LIN9: variants seen among roughly 807,000 people sequenced by gnomAD.
The protein encoded by LIN9 is lin-9 DREAM MuvB core complex component, also known as protein lin-9 homolog.
A neutral mutation model predicts 78.0 loss-of-function variants in LIN9; 18 were observed. The ratio of observed to expected loss-of-function variants is 0.23; its 90% CI spans 0.16 to 0.34. The LOEUF is 0.34. LIN9 is among the 10% of genes least tolerant of loss of function. The pLI is 1.00. For missense variants in LIN9, 451 were observed against 644.1 expected (o/e 0.70, Z 3.25); for synonymous variants, 192 against 215.2 (o/e 0.89, Z 0.94).
rs1406647355 is a variant in LIN9, at chr1:226,302,327, A to C, written c.32-1122T>G. Among the ~76,000 whole-genome samples the C allele has an allele frequency of 3.3e-5, 5 of 152,280 alleles. No homozygotes were observed. The East Asian group carries it at 9.6e-4, about 29-fold the overall frequency. On this transcript the variant is annotated intron_variant, in intron 1 of 14. Transcript: ENST00000681046. The stretch of plus-strand genomic sequence containing the variant: ...GGGAGGCCGAGGTGGGCGGATCACA[A>C]GGTCAGGAGATCAAGACCATCTTGG...
intron 5 of LIN9, 141 bp from the exon 6 acceptor site, chr1:226,286,599 A>C: frequency 6.7e-6 from 4 of 601,454 alleles, no homozygotes; most frequent in Non-Finnish European, 1.1e-5. Context: ...CTAAAACTAA[A>C]TCCTTGGCAT....
rs192353943 is a variant in LIN9 at position 226,243,931 on chromosome 1, G to A, written c.1120-4835C>T. Among the ~76,000 whole-genome samples the A allele has an allele frequency of 2.1e-3, 322 of 151,282 alleles. 1 individual carries two copies. The highest frequency in any genetic ancestry group is 7.2e-3 in the African/African-American group (297 of 41,410). On this transcript the variant is annotated intron_variant, in intron 11 of 14. Transcript: ENST00000681046. ...GCTCTGTCGCCCAGGCTGGAGTGCA[G>A]TGGCACAATCTCGGCTTACTGCAAC...
At chr1:226,250,818 A>G in intron 11 of LIN9, 21 bp downstream of exon 11, 1 of 1,310,482 alleles carries the variant, frequency 7.6e-7, no homozygotes, top group South Asian at 1.3e-5. Context: ...CAAATGAAGA[A>G]AAAAAAAGAG....
At chr1:226,293,249 T>C (rs1214840796) in intron 4 of LIN9, among the ~76,000 whole-genome samples, 1 of 152,230 alleles carries the variant, frequency 6.6e-6, no homozygotes, top group Non-Finnish European at 1.5e-5. Flanking sequence ...ATCATGTTTA[T>C]CCTACATTAT....
intron 10 of LIN9, among the ~76,000 whole-genome samples, chr1:226,262,119 C>G (rs574586219): frequency 1.3e-5 from 2 of 152,158 alleles, no homozygotes; most frequent in Non-Finnish European, 2.9e-5. Context: ...AAACCTTACA[C>G]CTTTCACAAA....
chr1:226,288,976 C>T (rs1330555959), intron 4 of LIN9, among the ~76,000 whole-genome samples: 1 of 152,134 alleles, frequency 6.6e-6, no homozygotes, highest in East Asian at 1.9e-4. Context: ...CAGTGGCTCA[C>T]GCCTGTAATC....
intron 7 of LIN9, among the ~76,000 whole-genome samples, chr1:226,271,356 T>C (rs1660261401): frequency 6.6e-6 from 1 of 152,054 alleles, no homozygotes. Context: ...TTTTGGCTCT[T>C]GTTTTTGAGG....
rs188757863 is a variant in LIN9 at position 226,304,479 on chromosome 1, G to A, written c.32-3274C>T. Among the ~76,000 whole-genome samples, 687 of 152,264 alleles carry A rather than the reference G, an allele frequency of 4.5e-3. 4 individuals are homozygous for A. Among genetic ancestry groups the A allele is most frequent in the Non-Finnish European group, 6.1e-3 (417 of 68,020 alleles). On this transcript the variant is annotated intron_variant, in intron 1 of 14. Transcript: ENST00000681046. Reference sequence around the variant, plus strand: ...CAGGAAGCTTAAACTCTAGTGGAAAGAGACATATATATATAAAACACGTAC... The same window carrying A: ...CAGGAAGCTTAAACTCTAGTGGAAAAAGACATATATATATAAAACACGTAC...
chr1:226,289,846 T>TGGG (rs1553283370), intron 4 of LIN9, among the ~76,000 whole-genome samples: 2 of 16,312 alleles, frequency 1.2e-4, no homozygotes, highest in East Asian at 3.2e-3. Context: ...GGGGGGGGGG[T>TGGG]GGGGGGGGGT....
intron 10 of LIN9, among the ~76,000 whole-genome samples, chr1:226,259,665 C>T (rs933998745): frequency 6.6e-6 from 1 of 151,844 alleles, no homozygotes; most frequent in South Asian, 2.1e-4. Context: ...GAAGATATGT[C>T]TAAATAATAC....
At chr1:226,267,422 CAA>C (rs10679567) in intron 8 of LIN9, among the ~76,000 whole-genome samples, 5 of 91,400 alleles carry the variant, frequency 5.5e-5, no homozygotes, top group Admixed American at 1.4e-4. Flanking sequence ...GACTCCGTCT[CAA>C]AAAAAAAAAA....
At chr1:226,242,761 C>G (rs2102846238) in intron 11 of LIN9, among the ~76,000 whole-genome samples, 1 of 152,238 alleles carries the variant, frequency 6.6e-6, no homozygotes, top group South Asian at 2.1e-4. Flanking sequence ...ACCTCTTCTG[C>G]CTCTGCCACC....
chr1:226,252,351 A>G (rs571139265), intron 10 of LIN9, among the ~76,000 whole-genome samples: 1 of 151,974 alleles, frequency 6.6e-6, no homozygotes, highest in Non-Finnish European at 1.5e-5. Flanking sequence ...TCCTATCAAA[A>G]GAACACAAAA....
intron 11 of LIN9, among the ~76,000 whole-genome samples, chr1:226,244,026 T>C (rs571495540): frequency 1.3e-5 from 2 of 151,422 alleles, no homozygotes; most frequent in East Asian, 4.1e-4. Context: ...AGGTGCAGGC[T>C]ACCTGCGCCG....
chr1:226,244,748 C>T (rs183493900), intron 11 of LIN9, among the ~76,000 whole-genome samples: 4 of 152,288 alleles, frequency 2.6e-5, no homozygotes, highest in African/African-American at 9.6e-5. Context: ...TTTGCTATTA[C>T]AACAATGCTG....
chr1:226,285,753 G>A (rs772773676), intron 6 of LIN9, among the ~76,000 whole-genome samples: 7 of 152,028 alleles, frequency 4.6e-5, no homozygotes, highest in Non-Finnish European at 7.4e-5. Flanking sequence ...AATAAAATAG[G>A]CACTTCTGGG....
At chr1:226,306,129 A>G (rs1226598651) in intron 1 of LIN9, among the ~76,000 whole-genome samples, 1 of 151,956 alleles carries the variant, frequency 6.6e-6, no homozygotes, top group East Asian at 1.9e-4. Context: ...GTTTGAGACC[A>G]GCCTAGCCAA....
chr1:226,265,973 G>A lies in LIN9; in HGVS notation c.936+240C>T, dbSNP rs946801128. ...ATTACAGGCGTGAGCCACTGCGCCC[G>A]GCCAGGAAGTATCTTATTTTTAGAA... On this transcript the variant is annotated intron_variant, in intron 9 of 14. Transcript: ENST00000681046. The surrounding 1 kb of genome is among the most constrained non-coding windows in gnomAD (Gnocchi z 4.1). 2.6e-5 allele frequency among the ~76,000 whole-genome samples: 4 copies of A among 151,976 alleles called. No homozygotes were observed. Among genetic ancestry groups the A allele is most frequent in the Admixed American group, 6.6e-5 (1 of 15,254 alleles).
chr1:226,248,880 A>G (rs958216820), intron 11 of LIN9, among the ~76,000 whole-genome samples: 2 of 152,214 alleles, frequency 1.3e-5, no homozygotes, highest in African/African-American at 4.8e-5. Context: ...AAAACAAATA[A>G]TAAAACATAT....
Sources: allele counts gnomAD v4.1 joint callset (sites outside exome capture counted in the v4.1 genomes callset), GRCh38; gene constraint gnomAD v4.1.1; non-coding constraint Gnocchi (gnomAD v3.1); transcripts MANE v1.5; gene names NCBI Gene and HGNC (gene_info 2026-07-23, HGNC 2026-07-21).